The following MADD variants were observed in gnomAD, a reference collection of about 807,000 sequenced individuals.
The protein encoded by MADD is MAP kinase activating death domain, also known as MAP kinase-activating death domain protein.
A neutral mutation model predicts 176.7 loss-of-function variants in MADD; 109 were observed. The observed-to-expected ratio is 0.62, with a 90% CI of 0.53 to 0.72. MADD has a LOEUF of 0.72. MADD is among the 30% of genes least tolerant of loss of function. The pLI, the probability that MADD is intolerant of heterozygous loss-of-function variation, is 0.00. For missense variants in MADD, 1,914 were observed against 2,045.5 expected, an observed-to-expected ratio of 0.94 and a Z score of 1.24; for synonymous variants, 771 against 771.3, an observed-to-expected ratio of 1.00 and a Z score of 0.01.
At chr11:47,290,029 C>T (rs1219326489) in exon 17 of MADD, 56 of 1,614,074 alleles carry the variant, frequency 3.5e-5, no homozygotes, top group Non-Finnish European at 4.5e-5. Flanking sequence ...AGGACGATGC[C>T]CGGCAGGACA....
exon 9 of MADD, chr11:47,282,505 C>T (rs1337437512): frequency 3.1e-6 from 5 of 1,614,202 alleles, no homozygotes; most frequent in African/African-American, 1.3e-5. Flanking sequence ...TCTAGCCTCA[C>T]GTCCCCGGCA....
At chr11:47,329,151 TG>T in exon 33 of MADD, 1 of 1,612,354 alleles carries the variant, frequency 6.2e-7, no homozygotes, top group African/African-American at 1.3e-5. Context: ...CTCTAGCTGA[TG>T]GAGAGGGGCT....
intron 14 of MADD, 135 bp downstream of exon 14, chr11:47,285,725 G>A (rs2060128576): frequency 8.1e-7 from 1 of 1,238,222 alleles, no homozygotes; most frequent in Non-Finnish European, 1.1e-6. Context: ...CAGTCATTTG[G>A]GTGATACTGA....
At chr11:47,307,658 T>G (rs1416745140) in intron 22 of MADD, among the ~76,000 whole-genome samples, 1 of 152,010 alleles carries the variant, frequency 6.6e-6, no homozygotes, top group Non-Finnish European at 1.5e-5. Context: ...TTTTTTTTTT[T>G]TGTGAGATGG....
At chr11:47,279,276 A>G (rs2053801337) in intron 7 of MADD, among the ~76,000 whole-genome samples, 197 bp downstream of exon 7, 1 of 151,528 alleles carries the variant, frequency 6.6e-6, no homozygotes, top group Non-Finnish European at 1.5e-5. Context: ...AATTCATTGT[A>G]TGCTTTACCA....
exon 8 of MADD, chr11:47,281,673 T>C: frequency 6.2e-7 from 1 of 1,613,820 alleles, no homozygotes; most frequent in Middle Eastern, 1.7e-4. Context: ...GGCCTTCTAA[T>C]GACCTGCAGT....
chr11:47,304,253 G>A (rs143716936), intron 22 of MADD, among the ~76,000 whole-genome samples: 593 of 148,194 alleles, frequency 4.0e-3, no homozygotes, highest in Non-Finnish European at 6.9e-3. Flanking sequence ...TTTTTGAGAC[G>A]GAGTTTCGCT....
chr11:47,299,262 A>G (rs2075641360), intron 22 of MADD, among the ~76,000 whole-genome samples: 1 of 152,014 alleles, frequency 6.6e-6, no homozygotes, highest in African/African-American at 2.4e-5. Context: ...TTTTGGTAGT[A>G]TGGTCATTTT....
chr11:47,285,775 A>G (rs540554413), intron 14 of MADD, among the ~76,000 whole-genome samples, 185 bp downstream of exon 14: 28 of 18,808 alleles, frequency 1.5e-3, no homozygotes, highest in African/African-American at 5.2e-3. Flanking sequence ...GGACAGGGAC[A>G]GATTAGTCAT....
At chr11:47,283,590 G>T (rs558522009) in intron 10 of MADD, among the ~76,000 whole-genome samples, 2 of 152,114 alleles carry the variant, frequency 1.3e-5, no homozygotes, top group Non-Finnish European at 1.5e-5. Context: ...TATATTTTTT[G>T]AGATGGAGTC....
chr11:47,305,300 C>T (rs1463692796), intron 22 of MADD, among the ~76,000 whole-genome samples: 1 of 152,008 alleles, frequency 6.6e-6, no homozygotes, highest in Non-Finnish European at 1.5e-5. Flanking sequence ...TATTGTGGCA[C>T]CTGGGTATTG....
rs202126331 is a variant in MADD, at chr11:47,327,775, G to T, written c.4613-883G>T. 3.0e-6 allele frequency: 3 copies of T among 985,338 alleles called. No homozygotes were observed. In the East Asian group the frequency reaches 3.4e-4, roughly 112 times the overall value. The allele number at this position is 985,338 out of a possible 1,614,324, so 61.0% of individuals were successfully genotyped here. On this transcript the variant is annotated intron_variant, in intron 31 of 32. Transcript: ENST00000402192. ...ATTCTACCTCCCAGGGTCAGAAGAA[G>T]GTACGGCCAATTCTCCTCCTGCCTT...
intron 7 of MADD, among the ~76,000 whole-genome samples, chr11:47,280,837 G>A (rs1009880492): frequency 2.6e-5 from 4 of 152,184 alleles, no homozygotes; most frequent in Non-Finnish European, 4.4e-5. Flanking sequence ...AAAGTATTGG[G>A]ATTACAGGCA....
chr11:47,316,556 T>G (rs2093066615), intron 27 of MADD, among the ~76,000 whole-genome samples: 1 of 150,866 alleles, frequency 6.6e-6, no homozygotes, highest in Non-Finnish European at 1.5e-5. Flanking sequence ...ACCCAGCTAA[T>G]TTTTTGTATT....
chr11:47,328,628 C>T (rs752882110), intron 31 of MADD, 30 bp from the exon 36 acceptor site: 2 of 1,614,134 alleles, frequency 1.2e-6, no homozygotes, highest in South Asian at 2.2e-5. Context: ...GTTGAACTTT[C>T]TGTTTTGTCT....
chr11:47,284,152 T>C (rs1265978814), intron 10 of MADD, 26 bp from the exon 11 acceptor site: 6 of 1,526,846 alleles, frequency 3.9e-6, no homozygotes, highest in Non-Finnish European at 3.6e-6. Context: ...CTGTTTTGTT[T>C]GTTTTTTATG....
chr11:47,301,691 G>T (rs2077930557), intron 22 of MADD, among the ~76,000 whole-genome samples: 1 of 152,012 alleles, frequency 6.6e-6, no homozygotes, highest in Non-Finnish European at 1.5e-5. Flanking sequence ...TTGACCCATT[G>T]GTCACTCAGG....
rs540158384 is a variant in MADD at position 47,301,263 on chromosome 11, C to T, written c.3642+5208C>T. ...AAGTAGCTGAGATTACAGGTGCCCA[C>T]CACCACAACCGGCTAAATTTTTTTT... is the stretch of plus-strand genomic sequence containing the variant. On this transcript the variant is annotated intron_variant, in intron 22 of 32. Coordinates refer to ENST00000402192, the Ensembl canonical transcript of MADD. 5.9e-5 allele frequency among the ~76,000 whole-genome samples: 9 copies of T among 152,080 alleles called. No homozygotes were observed. In the South Asian group the frequency reaches 1.9e-3, roughly 32 times the overall value.
exon 9 of MADD, chr11:47,282,583 C>G (rs758237114): frequency 1.8e-5 from 29 of 1,614,050 alleles, no homozygotes; most frequent in Admixed American, 8.3e-5. Context: ...GATCCTTAAC[C>G]CCACCAACTA....
Sources: gnomAD v4.1 joint callset for allele counts (sites outside exome capture counted in the v4.1 genomes callset) on GRCh38, gnomAD v4.1.1 for gene constraint, MANE v1.5 for transcripts, NCBI Gene and HGNC (gene_info 2026-07-23, HGNC 2026-07-21) for gene names.